Variants in SPOCK1 observed in about 807,000 individuals in gnomAD.
The protein encoded by SPOCK1 is SPARC (osteonectin), cwcv and kazal like domains proteoglycan 1.
In SPOCK1, 23 loss-of-function variants were observed where a neutral mutation model predicts 55.3. That is an observed-to-expected ratio of 0.42 (90% CI 0.30 to 0.59). SPOCK1 has a LOEUF of 0.59. SPOCK1 is among the 20% of genes least tolerant of loss of function. The pLI, the probability that SPOCK1 is intolerant of heterozygous loss-of-function variation, is 0.22. For synonymous variants in SPOCK1, 226 were observed against 221.0 expected, an observed-to-expected ratio of 1.02 and a Z score of -0.20; for missense variants, 499 against 552.5, an observed-to-expected ratio of 0.90 and a Z score of 0.97.
chr5:137,163,606 T>A (rs1202972025), intron 3 of SPOCK1, among the ~76,000 whole-genome samples: 3 of 152,204 alleles, frequency 2.0e-5, no homozygotes. Flanking sequence ...TCTTTTGAAG[T>A]AGACATCATT....
intron 5 of SPOCK1, among the ~76,000 whole-genome samples, chr5:137,097,581 T>C (rs550863999): frequency 1.1e-4 from 17 of 152,264 alleles, no homozygotes; most frequent in African/African-American, 3.1e-4. Context: ...GGGGATGTCA[T>C]AGAGAGCCAG....
At chr5:137,395,725 A>C (rs557526956) in intron 2 of SPOCK1, among the ~76,000 whole-genome samples, 1 of 152,218 alleles carries the variant, frequency 6.6e-6, no homozygotes, top group Non-Finnish European at 1.5e-5. Flanking sequence ...CTTGGAAGAG[A>C]TACAAGTCAG....
intron 4 of SPOCK1, among the ~76,000 whole-genome samples, chr5:137,126,533 C>G (rs1317774615): frequency 6.6e-6 from 1 of 152,156 alleles, no homozygotes; most frequent in Non-Finnish European, 1.5e-5. Flanking sequence ...GAGGCCAAAG[C>G]GGGTGGATCA....
intron 2 of SPOCK1, among the ~76,000 whole-genome samples, chr5:137,290,416 T>A (rs556393505): frequency 2.6e-5 from 4 of 152,244 alleles, no homozygotes; most frequent in Non-Finnish European, 5.9e-5. Flanking sequence ...TGATGAAAAG[T>A]TAGAACAGCA....
intron 3 of SPOCK1, among the ~76,000 whole-genome samples, chr5:137,187,690 G>C (rs1261235560): frequency 6.6e-6 from 1 of 152,118 alleles, no homozygotes; most frequent in Non-Finnish European, 1.5e-5. Flanking sequence ...GCATGCTCCT[G>C]GTGGCTGTCA....
intron 2 of SPOCK1, among the ~76,000 whole-genome samples, chr5:137,478,065 T>A (rs1289085483): frequency 2.0e-5 from 3 of 152,138 alleles, no homozygotes; most frequent in Non-Finnish European, 4.4e-5. Context: ...TGTTTCAGGT[T>A]CCTCAGGTAT....
At chr5:137,160,530 A>ATTATATATTATAT (rs1230998369) in intron 3 of SPOCK1, among the ~76,000 whole-genome samples, 7 of 60,642 alleles carry the variant, frequency 1.2e-4, no homozygotes, top group African/African-American at 3.2e-4. Flanking sequence ...TATAATATAT[A>ATTATATATTATAT]AAAATATATA....
At chr5:137,447,994 T>A (rs148426533) in intron 2 of SPOCK1, among the ~76,000 whole-genome samples, 40 of 152,336 alleles carry the variant, frequency 2.6e-4, no homozygotes, top group South Asian at 4.2e-4. Context: ...ATGCCTGTAA[T>A]CCCAGCACTT....
At chr5:137,202,258 GA>G (rs1755440734) in intron 3 of SPOCK1, among the ~76,000 whole-genome samples, 1 of 152,206 alleles carries the variant, frequency 6.6e-6, no homozygotes, top group Non-Finnish European at 1.5e-5. Context: ...AGGAAAAACT[GA>G]AAGAAAGAAG....
At position 137,160,339 on chromosome 5, in the gene SPOCK1, A is replaced by G. The variant is rs541491327; in HGVS notation, c.233-19645T>C. ...ATTCCATAATATATATATTATATAT[A>G]TTATATTATATTATATAAATATATA... is the stretch of plus-strand genomic sequence containing the variant. On this transcript the variant is annotated intron_variant, in intron 3 of 10. Coordinates refer to ENST00000394945, the MANE Select transcript of SPOCK1 (RefSeq NM_004598.4). 1.7e-3 allele frequency among the ~76,000 whole-genome samples: 155 copies of G among 92,668 alleles called. 1 individual carries two copies. Among genetic ancestry groups the G allele is most frequent in the Non-Finnish European group, 3.0e-3 (122 of 40,568 alleles). The allele number at this position is 92,668 out of a possible 152,430, so 60.8% of individuals were successfully genotyped here.
At chr5:136,987,083 A>G (rs577410477) in intron 8 of SPOCK1, among the ~76,000 whole-genome samples, 2 of 152,166 alleles carry the variant, frequency 1.3e-5, no homozygotes, top group African/African-American at 4.8e-5. Flanking sequence ...CAACTGGATG[A>G]CCATCTCCAG....
chr5:137,144,643 T>C (rs536223078), intron 3 of SPOCK1, among the ~76,000 whole-genome samples: 13 of 152,128 alleles, frequency 8.5e-5, no homozygotes, highest in Non-Finnish European at 2.9e-5. Flanking sequence ...CAAATACGTT[T>C]TACCTAGCAG....
In SPOCK1 at chr5:137,407,227, C is replaced by T. The variant is rs73298742; in HGVS notation, c.186+91146G>A. ...GCTGTCACTTTAAACCACTGCTGTCCGAGGAGAATGGGCAATTTTAGAGCA... is the reference window on the plus strand; with the variant it reads ...GCTGTCACTTTAAACCACTGCTGTCTGAGGAGAATGGGCAATTTTAGAGCA... On this transcript the variant is annotated intron_variant, in intron 2 of 10. Coordinates refer to ENST00000394945, the MANE Select transcript of SPOCK1 (RefSeq NM_004598.4). Among the ~76,000 whole-genome samples, 164 of 152,232 alleles carry T rather than the reference C, an allele frequency of 1.1e-3. 1 individual carries two copies. The highest frequency in any genetic ancestry group is 3.6e-3 in the African/African-American group (148 of 41,536).
At chr5:137,206,842 G>A (rs907803782) in intron 3 of SPOCK1, among the ~76,000 whole-genome samples, 1 of 152,120 alleles carries the variant, frequency 6.6e-6, no homozygotes, top group African/African-American at 2.4e-5. Flanking sequence ...CATAAAGACA[G>A]GACAAGTATC....
At chr5:137,442,920 C>T (rs570713508) in intron 2 of SPOCK1, among the ~76,000 whole-genome samples, 2 of 152,274 alleles carry the variant, frequency 1.3e-5, no homozygotes, top group South Asian at 4.1e-4. Flanking sequence ...TCAGTGGGGC[C>T]AACAGAGAAA....
At chr5:137,006,135 G>A (rs1321637892) in intron 6 of SPOCK1, among the ~76,000 whole-genome samples, 1 of 152,176 alleles carries the variant, frequency 6.6e-6, no homozygotes, top group African/African-American at 2.4e-5. Context: ...AAGTCAGGTA[G>A]CATGATGCTC....
At chr5:137,001,433 C>T (rs1751146751) in intron 6 of SPOCK1, among the ~76,000 whole-genome samples, 1 of 152,312 alleles carries the variant, frequency 6.6e-6, no homozygotes, top group East Asian at 1.9e-4. Flanking sequence ...ATGATATCTC[C>T]CAGGTCCTAC....
intron 2 of SPOCK1, among the ~76,000 whole-genome samples, chr5:137,316,966 C>T (rs1039386890): frequency 6.6e-6 from 1 of 152,216 alleles, no homozygotes; most frequent in Non-Finnish European, 1.5e-5. Context: ...AAGGGTGACA[C>T]TGTGAATCCT....
chr5:137,304,091 TATAAA>T (rs1276312799), intron 2 of SPOCK1, among the ~76,000 whole-genome samples: 19 of 151,634 alleles, frequency 1.3e-4, no homozygotes, highest in Admixed American at 1.2e-3. Context: ...TTGGTTCTGT[TATAAA>T]AGCAATTCCT....
Sources: allele counts gnomAD v4.1 joint callset (sites outside exome capture counted in the v4.1 genomes callset), GRCh38; gene constraint gnomAD v4.1.1; transcripts MANE v1.5; gene names NCBI Gene and HGNC (gene_info 2026-07-23, HGNC 2026-07-21).